KCNAB1: variants seen among roughly 807,000 people sequenced by gnomAD.
The protein encoded by KCNAB1 is voltage-gated potassium channel subunit beta-1.
In KCNAB1, 35 loss-of-function variants were observed where a neutral mutation model predicts 64.6. The ratio of observed to expected loss-of-function variants is 0.54; its 90% CI spans 0.41 to 0.72. The LOEUF is 0.72. KCNAB1 is among the 30% of genes least tolerant of loss of function. KCNAB1 has a pLI of 0.00. For missense variants in KCNAB1, 401 were observed against 512.9 expected, an observed-to-expected ratio of 0.78 and a Z score of 2.11; for synonymous variants, 177 against 183.8, an observed-to-expected ratio of 0.96 and a Z score of 0.30.
intron 1 of KCNAB1, among the ~76,000 whole-genome samples, chr3:156,200,071 T>TC (rs1714225331): frequency 6.6e-6 from 1 of 152,212 alleles, no homozygotes; most frequent in Non-Finnish European, 1.5e-5. Context: ...CTTCTAACAG[T>TC]CAAGACCCTC....
At chr3:156,233,172 T>C (rs1264988741) in intron 1 of KCNAB1, among the ~76,000 whole-genome samples, 1 of 152,198 alleles carries the variant, frequency 6.6e-6, no homozygotes, top group Admixed American at 6.5e-5. Context: ...GTGGAGCTTA[T>C]GTGAGTAGCC....
intron 1 of KCNAB1, chr3:156,273,474 T>C (rs1248396398): frequency 2.4e-5 from 10 of 409,358 alleles, no homozygotes; most frequent in Admixed American, 2.2e-4. Flanking sequence ...CTGCCCAATG[T>C]AGCTTTCCGC....
At chr3:156,465,391 G>A (rs894857012) in intron 6 of KCNAB1, among the ~76,000 whole-genome samples, 1 of 152,154 alleles carries the variant, frequency 6.6e-6, no homozygotes, top group African/African-American at 2.4e-5. Context: ...GTACGTGGCT[G>A]AGTTGCTGTT....
chr3:156,330,317 A>G (rs1480128151), intron 1 of KCNAB1, among the ~76,000 whole-genome samples: 21 of 152,094 alleles, frequency 1.4e-4, no homozygotes, highest in Admixed American at 1.4e-3. Flanking sequence ...ATTTCTTCCC[A>G]TTAAAAAAGA....
At chr3:156,393,124 G>C (rs1287677043) in intron 1 of KCNAB1, among the ~76,000 whole-genome samples, 1 of 152,158 alleles carries the variant, frequency 6.6e-6, no homozygotes, top group Non-Finnish European at 1.5e-5. Context: ...GGAAGCAGCA[G>C]ATCACATTGG....
intron 1 of KCNAB1, among the ~76,000 whole-genome samples, chr3:156,149,174 G>A (rs962641546): frequency 1.4e-4 from 21 of 152,216 alleles, no homozygotes; most frequent in Admixed American, 1.1e-3. Flanking sequence ...AGTTCTCAGA[G>A]ACTTCTGTTA....
chr3:156,218,091 G>A (rs1467779851), intron 1 of KCNAB1: 1 of 152,316 alleles, frequency 6.6e-6, no homozygotes, highest in Non-Finnish European at 1.5e-5. Context: ...GAGGCTCGTG[G>A]TCTGGGGCAA....
rs114362735 is a variant in KCNAB1 at position 156,425,068 on chromosome 3, T to C, written c.319+3409T>C. On this transcript the variant is annotated intron_variant, in intron 2 of 13. Transcript: ENST00000490337. ...ATAGAAAGAAATAATGCACCAGCCT[T>C]AGATAATTTGTCAGGCTCTGCAGAC... Among the ~76,000 whole-genome samples, 1,071 of 152,262 alleles carry C rather than the reference T, an allele frequency of 7.0e-3. 11 individuals are homozygous for C. Among genetic ancestry groups the C allele is most frequent in the African/African-American group, 0.025 (1,034 of 41,546 alleles).
At chr3:156,290,631 A>G (rs1248890610) in intron 1 of KCNAB1, among the ~76,000 whole-genome samples, 1 of 152,206 alleles carries the variant, frequency 6.6e-6, no homozygotes, top group East Asian at 1.9e-4. Flanking sequence ...GACAGGATAT[A>G]GTGCTTGTCC....
intron 1 of KCNAB1, among the ~76,000 whole-genome samples, chr3:156,395,524 G>A (rs1183803629): frequency 2.9e-5 from 3 of 103,742 alleles, no homozygotes; most frequent in Admixed American, 1.5e-4. Flanking sequence ...CAGCCTGGGC[G>A]ACAGAGCGAG....
chr3:156,319,628 A>G (rs1178550463), intron 1 of KCNAB1, among the ~76,000 whole-genome samples: 1 of 152,200 alleles, frequency 6.6e-6, no homozygotes. Flanking sequence ...TGCAGAGCTC[A>G]AGAGCCCTGT....
In KCNAB1 at chr3:156,120,716, C is replaced by T. The variant is rs1363088496; in HGVS notation, c.105C>T (p.Pro35=). 1.2e-6 allele frequency: 2 copies of T among 1,614,188 alleles called. No individual in the cohort carries two copies. The highest frequency in any genetic ancestry group is 2.2e-5 in the South Asian group (2 of 91,074). Residue 35 remains proline, a synonymous_variant, in exon 1 of 14, where the codon CCC becomes CCT. Coordinates refer to ENST00000490337, the MANE Select transcript of KCNAB1 (RefSeq NM_172160.3). ...GFSVAGKDKS[P]KKASENAKDS... is the part of the protein sequence containing the mutation. ...CTGTAGCAGGGAAAGACAAATCTCC[C>T]AAGAAAGCCTCAGAAAACGCTAAAG...
intron 1 of KCNAB1, among the ~76,000 whole-genome samples, chr3:156,327,178 G>C (rs752479382): frequency 1.8e-4 from 27 of 152,158 alleles, no homozygotes; most frequent in Admixed American, 6.5e-4. Context: ...ATATTTGAAA[G>C]ACAGCAGAAG....
At chr3:156,292,670 T>G (rs1431561288) in intron 1 of KCNAB1, among the ~76,000 whole-genome samples, 1 of 152,088 alleles carries the variant, frequency 6.6e-6, no homozygotes, top group East Asian at 1.9e-4. Context: ...ACCTCCTGAG[T>G]AGCTGGAATT....
intron 8 of KCNAB1, among the ~76,000 whole-genome samples, chr3:156,510,406 C>G (rs761720612): frequency 1.3e-5 from 2 of 152,000 alleles, no homozygotes; most frequent in African/African-American, 4.8e-5. Flanking sequence ...GGGGCTCTGT[C>G]CCTCCTCCCT....
intron 8 of KCNAB1, among the ~76,000 whole-genome samples, chr3:156,487,896 T>C (rs777906265): frequency 5.5e-4 from 82 of 148,096 alleles, no homozygotes; most frequent in Non-Finnish European, 9.0e-4. Flanking sequence ...AAAAGGGAGA[T>C]AAAAAAAAAA....
At chr3:156,247,687 C>A (rs940259371) in intron 1 of KCNAB1, among the ~76,000 whole-genome samples, 6 of 152,134 alleles carry the variant, frequency 3.9e-5, no homozygotes, top group African/African-American at 1.4e-4. Context: ...CTCAGCCTCC[C>A]AGATAGCTAG....
At chr3:156,299,792 G>A (rs1032822797) in intron 1 of KCNAB1, among the ~76,000 whole-genome samples, 1 of 152,136 alleles carries the variant, frequency 6.6e-6, no homozygotes, top group Non-Finnish European at 1.5e-5. Flanking sequence ...TAGCCCTCAT[G>A]AGAAATCTGT....
chr3:156,157,939 G>A (rs149847354), intron 1 of KCNAB1, among the ~76,000 whole-genome samples: 4,686 of 151,924 alleles, frequency 0.031, 95 homozygotes, highest in Non-Finnish European at 0.046. Context: ...CGAGGCAGGG[G>A]GATCACGAGG....
Sources: allele counts gnomAD v4.1 joint callset (sites outside exome capture counted in the v4.1 genomes callset), GRCh38; gene constraint gnomAD v4.1.1; transcripts MANE v1.5; gene names NCBI Gene and HGNC (gene_info 2026-07-23, HGNC 2026-07-21).